The following MMD variants were observed in gnomAD, a reference collection of about 807,000 sequenced individuals.
The protein encoded by MMD is monocyte to macrophage differentiation factor.
MMD carries 22 observed loss-of-function variants against 33.6 expected under a neutral mutation model. The observed-to-expected ratio is 0.66, with a 90% CI of 0.47 to 0.94. MMD has a LOEUF of 0.94. Among genes scored for constraint, MMD ranks in the 40% least tolerant of loss-of-function variants. MMD has a pLI of 0.00. For missense variants in MMD, 242 were observed against 309.8 expected (o/e 0.78, Z 1.64); for synonymous variants, 97 against 103.2 (o/e 0.94, Z 0.36).
intron 3 of MMD, among the ~76,000 whole-genome samples, chr17:55,408,585 T>C (rs569562864): frequency 6.6e-6 from 1 of 152,232 alleles, no homozygotes; most frequent in Non-Finnish European, 1.5e-5. Context: ...CTTGAATCTA[T>C]TTTCAGTGTC....
rs189722926 is a variant in MMD, at chr17:55,416,790, A to T, written c.27-2558T>A. On this transcript the variant is annotated intron_variant, in intron 1 of 6. Coordinates refer to ENST00000262065, the MANE Select transcript of MMD (RefSeq NM_012329.3). ...CATTTATGGAAGACATCTCTATTTA[A>T]AGCGGAGTGGCCCTAATGGTTACTC... is the stretch of plus-strand genomic sequence containing the variant. Among the ~76,000 whole-genome samples the T allele has an allele frequency of 4.6e-5, 7 of 152,336 alleles. No individual in the cohort carries two copies. The East Asian group carries it at 9.6e-4, about 21-fold the overall frequency.
intron 1 of MMD, among the ~76,000 whole-genome samples, chr17:55,419,549 C>T (rs1049016123): frequency 6.6e-6 from 1 of 152,200 alleles, no homozygotes; most frequent in African/African-American, 2.4e-5. Flanking sequence ...AATTTACCTA[C>T]CTGGGAATGC....
chr17:55,416,073 A>C (rs1242244003), intron 1 of MMD, among the ~76,000 whole-genome samples: 1 of 152,202 alleles, frequency 6.6e-6, no homozygotes, highest in Admixed American at 6.5e-5. Flanking sequence ...CATTGTCCTG[A>C]GACATAACAA....
At chr17:55,400,516 TC>T (rs1362249595) in intron 6 of MMD, among the ~76,000 whole-genome samples, 1 of 148,246 alleles carries the variant, frequency 6.7e-6, no homozygotes, top group African/African-American at 2.5e-5. Flanking sequence ...TCTACTGCAC[TC>T]CAGCTGGGCA....
intron 1 of MMD, among the ~76,000 whole-genome samples, chr17:55,417,993 T>A (rs1225266806): frequency 6.6e-6 from 1 of 152,226 alleles, no homozygotes; most frequent in Admixed American, 6.5e-5. Context: ...ATCCTCTGGC[T>A]ATACCACCTC....
At chr17:55,410,718 T>C (rs886216073) in intron 3 of MMD, among the ~76,000 whole-genome samples, 1 of 152,074 alleles carries the variant, frequency 6.6e-6, no homozygotes, top group East Asian at 1.9e-4. Flanking sequence ...ACTCATAGGG[T>C]CTTTTGTAAT....
chr17:55,416,705 C>T (rs997328818), intron 1 of MMD, among the ~76,000 whole-genome samples: 3 of 152,190 alleles, frequency 2.0e-5, no homozygotes, highest in Non-Finnish European at 4.4e-5. Flanking sequence ...CTCTGGCCTT[C>T]ATCTCTTCCC....
chr17:55,420,973 C>T (rs968613632), intron 1 of MMD, among the ~76,000 whole-genome samples: 9 of 152,186 alleles, frequency 5.9e-5, no homozygotes, highest in Non-Finnish European at 1.0e-4. Flanking sequence ...TCCTCCTCCT[C>T]GTTTCCTAAC....
At position 55,394,078 on chromosome 17, in the gene MMD, A is replaced by T. The variant is rs1361580625; in HGVS notation, c.*256T>A. 3.3e-6 allele frequency: 1 copy of T among 303,736 alleles called. No individual in the cohort carries two copies. The highest frequency in any genetic ancestry group is 2.2e-5 in the African/African-American group (1 of 46,498). The allele number at this position is 303,736 out of a possible 1,614,324, so 18.8% of individuals were successfully genotyped here. A position where few individuals can be genotyped will look rare whatever the true frequency, so the allele number is the denominator to read the frequency against. On this transcript the variant is annotated 3_prime_UTR_variant, in exon 7 of 7. Transcript: ENST00000262065. Reference sequence around the variant, plus strand: ...TAAAATATAAAAGTCTGGTTTGTAAACATCAGTTGGCCAAGTCTATTCAGA... The same window carrying T: ...TAAAATATAAAAGTCTGGTTTGTAATCATCAGTTGGCCAAGTCTATTCAGA...
intron 4 of MMD, among the ~76,000 whole-genome samples, chr17:55,407,105 G>A (rs1907579577): frequency 6.6e-6 from 1 of 152,020 alleles, no homozygotes; most frequent in Non-Finnish European, 1.5e-5. Flanking sequence ...AAGGTGGGCA[G>A]ATCACTTGAG....
At chr17:55,403,689 A>G in intron 5 of MMD, 78 bp downstream of exon 5, 1 of 998,598 alleles carries the variant, frequency 1.0e-6, no homozygotes, top group East Asian at 2.5e-5. Context: ...GTACAAATAA[A>G]AGTAAATTGT....
At position 55,393,010 on chromosome 17, in the gene MMD, A is replaced by T. The variant is rs1906973774; in HGVS notation, c.*1324T>A. 1 of 152,206 alleles carries T rather than the reference A, an allele frequency of 6.6e-6. No individual in the cohort carries two copies. Among genetic ancestry groups the T allele is most frequent in the Non-Finnish European group, 1.5e-5 (1 of 68,038 alleles). The allele number at this position is 152,206 out of a possible 1,614,324, so 9.4% of individuals were successfully genotyped here. On this transcript the variant is annotated 3_prime_UTR_variant, in exon 7 of 7. Transcript: ENST00000262065. Reference sequence around the variant, plus strand: ...CCACTGATCATTTGATCAGCCCATTACTAGGAAACAGGCAATATCAGCACC... The same window carrying T: ...CCACTGATCATTTGATCAGCCCATTTCTAGGAAACAGGCAATATCAGCACC...
chr17:55,413,119 T>C (rs917578561), intron 2 of MMD, among the ~76,000 whole-genome samples: 4 of 152,324 alleles, frequency 2.6e-5, no homozygotes, highest in South Asian at 2.1e-4. Flanking sequence ...AAGAGACAAG[T>C]TAAGGTTTAT....
intron 4 of MMD, chr17:55,404,593 C>A: frequency 1.0e-6 from 1 of 985,326 alleles, no homozygotes; most frequent in Non-Finnish European, 1.2e-6. Context: ...CAGTGGATAC[C>A]TAATACACAA....
At chr17:55,419,916 C>T (rs773983266) in intron 1 of MMD, among the ~76,000 whole-genome samples, 3 of 152,044 alleles carry the variant, frequency 2.0e-5, no homozygotes, top group South Asian at 4.1e-4. Flanking sequence ...TGAATAATAG[C>T]GCAAAAATCA....
intron 2 of MMD, among the ~76,000 whole-genome samples, chr17:55,412,174 T>C (rs1222376133): frequency 6.6e-6 from 1 of 152,208 alleles, no homozygotes; most frequent in East Asian, 1.9e-4. Context: ...CAGGACAGGA[T>C]AATTGAACAA....
At chr17:55,411,463 T>C (rs779667781) in intron 2 of MMD, 46 bp from the exon 3 acceptor site, 5 of 1,544,398 alleles carry the variant, frequency 3.2e-6, no homozygotes, top group South Asian at 1.2e-5. Context: ...CTGGCTTTTA[T>C]GGAATTGAGT....
intron 6 of MMD, among the ~76,000 whole-genome samples, chr17:55,399,075 T>G (rs1057105082): frequency 6.6e-6 from 1 of 152,192 alleles, no homozygotes; most frequent in Non-Finnish European, 1.5e-5. Context: ...GTCAGTAACC[T>G]GAACTGTAAT....
At position 55,414,142 on chromosome 17, in the gene MMD, T is replaced by A. The variant is rs192923498; in HGVS notation, c.108+9A>T. ...GAAAGGATGGCAATGGTGGAAAACT[T>A]GTACTCACTGCGTGTGTGTAACAGT... On this transcript the variant is annotated intron_variant, in intron 2 of 6. Transcript: ENST00000262065. 62 of 1,613,550 alleles carry A rather than the reference T, an allele frequency of 3.8e-5. No individual in the cohort carries two copies. The Admixed American group carries it at 7.0e-4, about 18-fold the overall frequency.
Sources: gnomAD v4.1 joint callset for allele counts (sites outside exome capture counted in the v4.1 genomes callset) on GRCh38, gnomAD v4.1.1 for gene constraint, MANE v1.5 for transcripts, NCBI Gene and HGNC (gene_info 2026-07-23, HGNC 2026-07-21) for gene names.